The following BLTP2 variants were observed in gnomAD, a reference collection of about 807,000 sequenced individuals.
The protein encoded by BLTP2 is bridge-like lipid transfer protein family member 2.
At chr17:28,619,093 A>T in the BLTP2 span, 1 of 700,524 alleles carries the variant, frequency 1.4e-6, no homozygotes, top group Non-Finnish European at 2.3e-6. Context: ...TGGGTTAGCC[A>T]GTCCCTACAT....
the BLTP2 span, chr17:28,631,749 G>A: frequency 1.9e-6 from 3 of 1,598,906 alleles, no homozygotes; most frequent in African/African-American, 1.3e-5. Flanking sequence ...AGAGATGGAG[G>A]AGGGGAATGG....
the BLTP2 span, chr17:28,633,908 G>A: frequency 1.2e-6 from 2 of 1,614,128 alleles, no homozygotes; most frequent in Non-Finnish European, 1.7e-6. Flanking sequence ...GAAAGTCATG[G>A]TAGAATTTGA....
chr17:28,627,938 G>A, the BLTP2 span, among the ~76,000 whole-genome samples: 11 of 152,142 alleles, frequency 7.2e-5, no homozygotes, highest in Non-Finnish European at 1.6e-4. Context: ...TGGAATTACA[G>A]GAGTGAGCCA....
chr17:28,641,183 TG>T, the BLTP2 span, among the ~76,000 whole-genome samples: 2 of 152,210 alleles, frequency 1.3e-5, no homozygotes, highest in African/African-American at 4.8e-5. Flanking sequence ...CCCTCCATAT[TG>T]GTGAGTTTCA....
the BLTP2 span, chr17:28,621,217 GATA>G: frequency 6.3e-7 from 1 of 1,575,296 alleles, no homozygotes; most frequent in South Asian, 1.1e-5. Context: ...TCTCAATAAA[GATA>G]ATGTGAGAGC....
the BLTP2 span, chr17:28,643,030 A>C: frequency 2.0e-6 from 3 of 1,516,026 alleles, no homozygotes; most frequent in African/African-American, 2.7e-5. Flanking sequence ...AATGTTAAGG[A>C]ACTGCCCTTC....
At chr17:28,621,004 G>A in the BLTP2 span, 2 of 1,614,060 alleles carry the variant, frequency 1.2e-6, no homozygotes, top group Non-Finnish European at 1.7e-6. Flanking sequence ...GCTTCTTTAG[G>A]AGATCTTCCT....
the BLTP2 span, chr17:28,635,080 C>T: frequency 1.2e-6 from 2 of 1,613,342 alleles, no homozygotes; most frequent in South Asian, 1.1e-5. Flanking sequence ...ATCTAGAGTT[C>T]GAGAAAAGTC....
the BLTP2 span, chr17:28,631,930 G>C: frequency 1.2e-6 from 2 of 1,613,846 alleles, no homozygotes; most frequent in Admixed American, 1.7e-5. Flanking sequence ...CTGGCAACAA[G>C]AGAGCATAAC....
chr17:28,617,355 A>C, the BLTP2 span: 1 of 1,505,356 alleles, frequency 6.6e-7, no homozygotes, highest in Non-Finnish European at 9.2e-7. Flanking sequence ...ACTATAATAA[A>C]CCTTTCTCAG....
chr17:28,640,257 G>A, the BLTP2 span: 1 of 509,488 alleles, frequency 2.0e-6, no homozygotes, highest in Non-Finnish European at 3.5e-6. Context: ...GCCGGGCGTG[G>A]TGGCACGTGC....
the BLTP2 span, chr17:28,616,503 G>A: frequency 6.2e-7 from 1 of 1,614,134 alleles, no homozygotes; most frequent in Non-Finnish European, 8.5e-7. This position sits in a 1 kb window ranked among gnomAD's most constrained non-coding sequence, Gnocchi z 4.8. Flanking sequence ...CTTCACCACT[G>A]GTATTCCTAT....
the BLTP2 span, chr17:28,633,720 G>A: frequency 6.2e-7 from 1 of 1,614,002 alleles, no homozygotes; most frequent in African/African-American, 1.3e-5. Flanking sequence ...CCCAGCATGG[G>A]CCCCACACCA....
the BLTP2 span, among the ~76,000 whole-genome samples, chr17:28,618,436 G>T: frequency 1.3e-5 from 2 of 151,788 alleles, no homozygotes; most frequent in Non-Finnish European, 2.9e-5. Flanking sequence ...AATTTTTGTT[G>T]AACTCTTGAC....
the BLTP2 span, chr17:28,621,577 T>A: frequency 9.9e-7 from 1 of 1,012,184 alleles, no homozygotes; most frequent in Admixed American, 1.7e-5. Context: ...CAGATCTCCA[T>A]GTTTCAAGTA....
At chr17:28,641,226 A>C in the BLTP2 span, among the ~76,000 whole-genome samples, 2 of 152,126 alleles carry the variant, frequency 1.3e-5, no homozygotes, top group Non-Finnish European at 2.9e-5. Flanking sequence ...TTCCATCCAC[A>C]CTTGCTTGTG....
At chr17:28,616,189 C>T in the BLTP2 span, 1 of 1,613,934 alleles carries the variant, frequency 6.2e-7, no homozygotes, top group Admixed American at 1.7e-5. The surrounding 1 kb of genome is among the most constrained non-coding windows in gnomAD (Gnocchi z 4.8). Flanking sequence ...CAATGTCATC[C>T]ACAGGGTGCT....
chr17:28,616,370 G>A, the BLTP2 span: 9 of 1,614,170 alleles, frequency 5.6e-6, no homozygotes, highest in South Asian at 8.8e-5. This position sits in a 1 kb window ranked among gnomAD's most constrained non-coding sequence, Gnocchi z 4.8. Context: ...TCAGGGGCAT[G>A]TTTGGTACCT....
At chr17:28,639,325 T>C in the BLTP2 span, 4 of 1,614,036 alleles carry the variant, frequency 2.5e-6, no homozygotes, top group Non-Finnish European at 3.4e-6. Context: ...CTTTTTTTCC[T>C]TTGCTTTAGA....
Sources: gnomAD v4.1 joint callset for allele counts (sites outside exome capture counted in the v4.1 genomes callset) on GRCh38, gnomAD v4.1.1 for gene constraint, Gnocchi (gnomAD v3.1) non-coding constraint, MANE v1.5 for transcripts, NCBI Gene and HGNC (gene_info 2026-07-23, HGNC 2026-07-21) for gene names.